The following MYO1B variants were observed in gnomAD, a reference collection of about 807,000 sequenced individuals.
The protein encoded by MYO1B is myosin IB.
Under a neutral mutation model 159.7 loss-of-function variants are expected in MYO1B, and 72 were observed. The ratio of observed to expected loss-of-function variants is 0.45; its 90% confidence interval spans 0.37 to 0.55. The LOEUF (loss-of-function observed/expected upper bound fraction) is 0.55. MYO1B is among the 20% of genes least tolerant of loss of function. The pLI is 0.00. For synonymous variants in MYO1B, 468 were observed against 473.8 expected (o/e 0.99, Z 0.16); for missense variants, 1,062 against 1,364.8 (o/e 0.78, Z 3.50).
Position 191,414,620 on chromosome 2 carries a change from T to A in MYO1B, c.3110T>A (p.Val1037Glu). The A allele has an allele frequency of 6.2e-7, 1 of 1,613,606 alleles. No homozygotes were observed. Among genetic ancestry groups the A allele is most frequent in the South Asian group, 1.1e-5 (1 of 90,928 alleles). Residue 1037 changes from valine (V) to glutamate (E), a missense_variant, in exon 29 of 31, where the codon GTA (valine) becomes GAA (glutamate). Val to Glu is a moderately radical substitution (Grantham distance 121). Transcript: ENST00000392318. ...GTTCCATTGGTGGATGTGACCAAGG[T>A]ATCAATGAGCTCACAAAATGATGGC... Reference protein sequence around the residue: ...SEVPLVDVTKVSMSSQNDGFF... With the variant: ...SEVPLVDVTKESMSSQNDGFF...
At chr2:191,420,501 A>G (rs773848747) in intron 30 of MYO1B, among the ~76,000 whole-genome samples, 5 of 152,212 alleles carry the variant, frequency 3.3e-5, no homozygotes, top group Non-Finnish European at 4.4e-5. Context: ...TACACATACA[A>G]ATACCATTGT....
intron 7 of MYO1B, among the ~76,000 whole-genome samples, chr2:191,351,085 G>T (rs551446330): frequency 6.6e-6 from 1 of 152,008 alleles, no homozygotes; most frequent in East Asian, 1.9e-4. Flanking sequence ...AGTCCTCTGG[G>T]TTTTTTGAGG....
intron 30 of MYO1B, among the ~76,000 whole-genome samples, chr2:191,422,029 TG>T (rs998812129): frequency 5.9e-5 from 9 of 152,228 alleles, no homozygotes; most frequent in African/African-American, 2.2e-4. Flanking sequence ...ACATTTGCCT[TG>T]TTTCATTCTA....
intron 1 of MYO1B, among the ~76,000 whole-genome samples, chr2:191,268,783 A>G (rs566928960): frequency 3.3e-5 from 5 of 152,144 alleles, no homozygotes; most frequent in Middle Eastern, 3.4e-3. Context: ...CAGCCACCTG[A>G]CTGTGGTGTC....
rs764574812 is a variant in MYO1B at position 191,416,093 on chromosome 2, G to A, written c.3160-22G>A. ...TTCTAAGGTATCTTTAATTATGACC[G>A]ACTCTTGGTTTGTCCTTGCAGGGCT... is the stretch of plus-strand genomic sequence containing the variant. On this transcript the variant is annotated intron_variant, in intron 29 of 30. Coordinates refer to ENST00000392318, the MANE Select transcript of MYO1B (RefSeq NM_001130158.3). The A allele has an allele frequency of 6.2e-6, 10 of 1,604,572 alleles. No homozygotes were observed. In the East Asian group the frequency reaches 6.7e-5, roughly 11 times the overall value.
chr2:191,300,524 A>G (rs557138456), intron 3 of MYO1B, among the ~76,000 whole-genome samples: 2 of 151,420 alleles, frequency 1.3e-5, no homozygotes, highest in African/African-American at 4.8e-5. Flanking sequence ...TTGTATTTTT[A>G]GTAGAGACAG....
At chr2:191,265,191 T>G (rs2125702500) in intron 1 of MYO1B, among the ~76,000 whole-genome samples, 1 of 149,734 alleles carries the variant, frequency 6.7e-6, no homozygotes, top group Non-Finnish European at 1.5e-5. Flanking sequence ...GCCCCTGTTT[T>G]TTTTTTTTTT....
intron 4 of MYO1B, among the ~76,000 whole-genome samples, chr2:191,332,070 C>A (rs1691518274): frequency 6.6e-6 from 1 of 152,198 alleles, no homozygotes; most frequent in Non-Finnish European, 1.5e-5. Context: ...TCAAGTGATT[C>A]TCCTGGCTCA....
At position 191,330,703 on chromosome 2, in the gene MYO1B, T is replaced by C. The variant is rs574666499; in HGVS notation, c.346+674T>C. ...CAACCTTAGAAACGTTTAAAGCTGC[T>C]GTTATCAGTGGGTTTTTTTTGATGG... On this transcript the variant is annotated intron_variant, in intron 4 of 30. Transcript: ENST00000392318. Among the ~76,000 whole-genome samples the C allele has an allele frequency of 6.6e-5, 10 of 152,328 alleles. No individual in the cohort carries two copies. The South Asian group carries it at 2.1e-3, about 32-fold the overall frequency.
At chr2:191,354,148 C>G (rs768460344) in intron 7 of MYO1B, among the ~76,000 whole-genome samples, 4 of 151,828 alleles carry the variant, frequency 2.6e-5, no homozygotes, top group Admixed American at 6.6e-5. Context: ...CCCAGCCACT[C>G]GGGAGGCTGA....
intron 3 of MYO1B, among the ~76,000 whole-genome samples, chr2:191,313,676 G>A (rs563599234): frequency 5.9e-5 from 9 of 152,214 alleles, no homozygotes; most frequent in African/African-American, 9.6e-5. Context: ...GAGCCACTGC[G>A]CCCAGCAATT....
At chr2:191,409,266 T>C (rs1697116961) in intron 26 of MYO1B, 88 bp downstream of exon 26, 2 of 1,385,066 alleles carry the variant, frequency 1.4e-6, no homozygotes, top group East Asian at 4.6e-5. Flanking sequence ...TGTTAACACA[T>C]TCTTCCTTTG....
At chr2:191,341,417 A>T (rs1166242321) in intron 4 of MYO1B, 44 bp from the exon 5 acceptor site, 3 of 1,548,968 alleles carry the variant, frequency 1.9e-6, no homozygotes, top group Non-Finnish European at 2.6e-6. Flanking sequence ...AAGATTTTTT[A>T]AATTTCTGTG....
chr2:191,255,851 C>T (rs1233603569), intron 1 of MYO1B, among the ~76,000 whole-genome samples: 1 of 152,138 alleles, frequency 6.6e-6, no homozygotes, highest in Non-Finnish European at 1.5e-5. Context: ...ACACGAGCGT[C>T]CTGCTCAGCA....
At chr2:191,276,345 C>G (rs1687748773) in intron 1 of MYO1B, among the ~76,000 whole-genome samples, 1 of 152,154 alleles carries the variant, frequency 6.6e-6, no homozygotes, top group Non-Finnish European at 1.5e-5. Flanking sequence ...TTCATAATCT[C>G]TGAGCTTCAA....
rs750116319 is a variant in MYO1B at position 191,329,968 on chromosome 2, A to G, written c.285A>G (p.Leu95=). 6.2e-7 allele frequency: 1 copy of G among 1,612,714 alleles called. No homozygotes were observed. Among genetic ancestry groups the G allele is most frequent in the Non-Finnish European group, 8.5e-7 (1 of 1,179,158 alleles). ...TTTCGGATGAAGCATACAGATCCCT[A>G]CGAGATCAAGATAAGGACCAATGTA... ...FALSDEAYRS[L]RDQDKDQCIL... is the part of the protein sequence containing the mutation. The change falls in exon 4 of 31, where the codon CTA becomes CTG. Residue 95 remains leucine, a synonymous_variant. Coordinates refer to ENST00000392318, the MANE Select transcript of MYO1B (RefSeq NM_001130158.3).
At chr2:191,377,162 T>C (rs1694762261) in intron 13 of MYO1B, among the ~76,000 whole-genome samples, 1 of 152,162 alleles carries the variant, frequency 6.6e-6, no homozygotes, top group African/African-American at 2.4e-5. Flanking sequence ...CCTATCCCAA[T>C]CTATAGTTGG....
chr2:191,394,025 T>A (rs73984127), intron 20 of MYO1B, among the ~76,000 whole-genome samples: 2,402 of 152,338 alleles, frequency 0.016, 63 homozygotes, highest in African/African-American at 0.054. Flanking sequence ...AGACATAATT[T>A]ACGCTGACCT....
At chr2:191,382,573 G>C (rs1278877994) in intron 14 of MYO1B, among the ~76,000 whole-genome samples, 1 of 152,148 alleles carries the variant, frequency 6.6e-6, no homozygotes, top group Non-Finnish European at 1.5e-5. Flanking sequence ...TATACAGATT[G>C]TTTAAAACAC....
Sources: gnomAD v4.1 joint callset for allele counts (sites outside exome capture counted in the v4.1 genomes callset) on GRCh38, gnomAD v4.1.1 for gene constraint, MANE v1.5 for transcripts, NCBI Gene and HGNC (gene_info 2026-07-23, HGNC 2026-07-21) for gene names.